PPP1R37: variants seen among roughly 807,000 people sequenced by gnomAD.
PPP1R37 encodes the protein leucine rich repeat containing 68.
In PPP1R37, 21 loss-of-function variants were observed where a neutral mutation model predicts 61.0. The observed-to-expected ratio is 0.34, with a 90% CI of 0.24 to 0.50. The LOEUF (loss-of-function observed/expected upper bound fraction) is 0.50, where lower values mean the gene tolerates loss of function less well. Among genes scored for constraint, PPP1R37 ranks in the 20% least tolerant of loss-of-function variants. PPP1R37 has a pLI of 0.98. For missense variants in PPP1R37, 910 were observed against 952.7 expected (o/e 0.96, Z 0.59); for synonymous variants, 443 against 433.5 (o/e 1.02, Z -0.27).
chr19:45,138,695 C>T lies in PPP1R37; in HGVS notation c.300+84C>T, dbSNP rs1006609723. 8.3e-6 allele frequency: 7 copies of T among 842,450 alleles called. No homozygotes were observed. The African/African-American group carries it at 8.4e-5, about 10-fold the overall frequency. The allele number at this position is 842,450 out of a possible 1,614,324, so 52.2% of individuals were successfully genotyped here. A position where few individuals can be genotyped will look rare whatever the true frequency, so the allele number is the denominator to read the frequency against. ...GAACCAGCCCAGCAGGAGAGGGCCT[C>T]CCACTCCCCAGCCCCAGGTGTTCAT... On this transcript the variant is annotated intron_variant, in intron 2 of 12. Transcript: ENST00000221462.
At chr19:45,118,796 G>C (rs1968301902) in intron 1 of PPP1R37, among the ~76,000 whole-genome samples, 1 of 152,088 alleles carries the variant, frequency 6.6e-6, no homozygotes, top group Non-Finnish European at 1.5e-5. Context: ...CTGAGCACCT[G>C]CTGGCCGGGC....
chr19:45,144,546 T>C, intron 8 of PPP1R37: 1 of 395,628 alleles, frequency 2.5e-6, no homozygotes, highest in East Asian at 4.5e-5. Context: ...GTTGCCCTCC[T>C]TGGGGGCTTC....
chr19:45,097,296 CA>C (rs1968004793), intron 1 of PPP1R37, among the ~76,000 whole-genome samples: 2 of 151,796 alleles, frequency 1.3e-5, no homozygotes, highest in Admixed American at 6.6e-5. Context: ...ACCCCAAGGC[CA>C]AGGGGTAACA....
chr19:45,128,888 G>A, intron 1 of PPP1R37: 1 of 664,912 alleles, frequency 1.5e-6, no homozygotes, highest in Non-Finnish European at 2.8e-6. Context: ...CAGCAGGGAG[G>A]TGCGAGAGGA....
chr19:45,146,441 C>T lies in PPP1R37; in HGVS notation c.2045C>T (p.Ala682Val). 1.3e-6 allele frequency: 2 copies of T among 1,535,856 alleles called. No homozygotes were observed. The highest frequency in any genetic ancestry group is 1.7e-6 in the Non-Finnish European group (2 of 1,146,778). Residue 682 changes from alanine (A) to valine (V), a missense_variant, in exon 12 of 13, where the codon GCC becomes GTC. Ala to Val is a moderately conservative substitution (Grantham distance 64). Transcript: ENST00000221462. ...GAGCTCGAGGAGCTGCTTCTGGAAG[C>T]CAGTCAGGAATCCGGGCAGGAGACA... ...EKELEELLLE[A>V]SQESGQETL
Position 45,130,992 on chromosome 19 carries a change from C to T in PPP1R37, c.203-7522C>T, listed in dbSNP as rs1968469813. Among the ~76,000 whole-genome samples the T allele has an allele frequency of 6.6e-6, 1 of 152,120 alleles. No individual in the cohort carries two copies. The highest frequency in any genetic ancestry group is 1.5e-5 in the Non-Finnish European group (1 of 68,026). On this transcript the variant is annotated intron_variant, in intron 1 of 12. Coordinates refer to ENST00000221462, the MANE Select transcript of PPP1R37 (RefSeq NM_019121.2). The surrounding 1 kb of genome is among the most constrained non-coding windows in gnomAD (Gnocchi z 4.4). Reference sequence around the variant, plus strand: ...CCCACTTGGATGACTGTGTCTGTTTCCCCCGCCCTGCTCCAGGCTGGCACG... The same window carrying T: ...CCCACTTGGATGACTGTGTCTGTTTTCCCCGCCCTGCTCCAGGCTGGCACG...
chr19:45,132,463 T>G (rs910001416), intron 1 of PPP1R37, among the ~76,000 whole-genome samples: 1 of 152,050 alleles, frequency 6.6e-6, no homozygotes, highest in African/African-American at 2.4e-5. Flanking sequence ...GTGCTAATTT[T>G]TGTATTTTTT....
At chr19:45,142,782 A>C in intron 7 of PPP1R37, 1 of 311,266 alleles carries the variant, frequency 3.2e-6, no homozygotes, top group Non-Finnish European at 6.0e-6. Flanking sequence ...TGCTGCCATA[A>C]CAGGGTCAGC....
intron 1 of PPP1R37, among the ~76,000 whole-genome samples, chr19:45,099,484 G>C (rs557207402): frequency 6.6e-6 from 1 of 152,206 alleles, no homozygotes; most frequent in Admixed American, 6.5e-5. Flanking sequence ...CCTCTGGAGC[G>C]GGGGCTCCAC....
chr19:45,128,234 T>C (rs908143142), intron 1 of PPP1R37, among the ~76,000 whole-genome samples: 45 of 152,198 alleles, frequency 3.0e-4, no homozygotes, highest in Non-Finnish European at 2.9e-5. Flanking sequence ...GGATCTCTGA[T>C]GGAGCTTAGC....
rs1378530262 is a variant in PPP1R37 at position 45,093,335 on chromosome 19, G to C, written c.10G>C (p.Ala4Pro). The change falls in exon 1 of 13, where the codon GCG (alanine) becomes CCG (proline). Residue 4 changes from alanine (A) to proline (P), a missense_variant. Physicochemically the swap from Ala to Pro is conservative, Grantham distance 27 (BLOSUM62 -1). Transcript: ENST00000221462. MEI[A>P]PQEAPPVPGA... is the part of the protein sequence containing the mutation. ...GGAGGCGGCGGCGGCTATGGAGATC[G>C]CGCCGCAGGAGGCGCCGCCCGTGCC... 6.8e-7 allele frequency: 1 copy of C among 1,474,956 alleles called. No individual in the cohort carries two copies. Among genetic ancestry groups the C allele is most frequent in the Non-Finnish European group, 8.9e-7 (1 of 1,118,234 alleles). 91.4% of individuals were successfully genotyped at this position (1,474,956 alleles called of 1,614,324 possible). A position where few individuals can be genotyped will look rare whatever the true frequency, so the allele number is the denominator to read the frequency against.
At position 45,144,918 on chromosome 19, in the gene PPP1R37, G is replaced by A. The variant is rs1428102619; in HGVS notation, c.1052G>A (p.Arg351Gln). Residue 351 changes from arginine to glutamine, a missense_variant, in exon 9 of 13, where the codon CGG (arginine) becomes CAG (glutamine). Around this residue, in one of 3 missense-constraint regions of PPP1R37, gnomAD observed 549 missense variants for 505.1 expected, o/e 1.09. Transcript: ENST00000221462. Reference sequence around the variant, plus strand: ...AACCCCATCGGGAACGAGGGTGTGCGGCACCTCAAGAACGGGCTCATCAGC... The same window carrying A: ...AACCCCATCGGGAACGAGGGTGTGCAGCACCTCAAGAACGGGCTCATCAGC... ...GHNPIGNEGV[R>Q]HLKNGLISNR... 7.8e-6 allele frequency: 12 copies of A among 1,535,614 alleles called. No individual in the cohort carries two copies. The highest frequency in any genetic ancestry group is 1.0e-5 in the Non-Finnish European group (12 of 1,146,736).
chr19:45,097,719 A>G (rs1319001877), intron 1 of PPP1R37, among the ~76,000 whole-genome samples: 1 of 150,520 alleles, frequency 6.6e-6, no homozygotes, highest in Non-Finnish European at 1.5e-5. Flanking sequence ...TGGCCATCTG[A>G]TGTTCTTCTG....
rs1411340466 is a variant in PPP1R37 at position 45,141,456 on chromosome 19, G to A, written c.567+15G>A. On this transcript the variant is annotated intron_variant, in intron 5 of 12. Transcript: ENST00000221462. ...TGATGCGCAAGGTGGGCGCCTCTCG[G>A]CTTCCAGGAAGAGGCAGCTCAGGCT... The A allele has an allele frequency of 3.9e-6, 6 of 1,523,494 alleles. No homozygotes were observed. In the South Asian group the frequency reaches 7.2e-5, roughly 18 times the overall value. The allele number at this position is 1,523,494 out of a possible 1,614,324, so 94.4% of individuals were successfully genotyped here. A position where few individuals can be genotyped will look rare whatever the true frequency, so the allele number is the denominator to read the frequency against.
chr19:45,120,078 C>A (rs1400608326), intron 1 of PPP1R37, among the ~76,000 whole-genome samples: 2 of 136,618 alleles, frequency 1.5e-5, no homozygotes. Context: ...AGTGCAGTGG[C>A]GCGATCTCCG....
At chr19:45,128,593 C>T (rs1968437989) in intron 1 of PPP1R37, 3 of 1,261,726 alleles carry the variant, frequency 2.4e-6, no homozygotes, top group Admixed American at 3.5e-5. Flanking sequence ...GACTTCGAGA[C>T]AAGAGATGCA....
intron 1 of PPP1R37, among the ~76,000 whole-genome samples, chr19:45,111,009 C>G: frequency 6.6e-6 from 1 of 152,142 alleles, no homozygotes; most frequent in African/African-American, 2.4e-5. Flanking sequence ...GCCCTGTCAC[C>G]TACTGAGGAC....
At chr19:45,146,300 G>A in intron 11 of PPP1R37, 90 bp from the exon 12 acceptor site, 2 of 1,224,654 alleles carry the variant, frequency 1.6e-6, no homozygotes, top group Non-Finnish European at 2.3e-6. Flanking sequence ...GCACTCTGCA[G>A]GCCCTGAGGG....
chr19:45,132,104 C>T (rs748463406), intron 1 of PPP1R37, among the ~76,000 whole-genome samples: 1 of 152,148 alleles, frequency 6.6e-6, no homozygotes, highest in Admixed American at 6.6e-5. Context: ...CACACCTGTC[C>T]TCCTCTCTGA....
Sources: gnomAD v4.1 joint callset for allele counts (sites outside exome capture counted in the v4.1 genomes callset) on GRCh38, gnomAD v4.1.1 for gene constraint, gnomAD v4.1.1 regional missense constraint, Gnocchi (gnomAD v3.1) non-coding constraint, MANE v1.5 for transcripts, NCBI Gene and HGNC (gene_info 2026-07-23, HGNC 2026-07-21) for gene names.